The following DCDC1 variants were observed in gnomAD, a reference collection of about 807,000 sequenced individuals.
DCDC1 encodes the protein doublecortin domain containing 1.
Under a neutral mutation model 178.3 loss-of-function variants are expected in DCDC1, and 200 were observed. The observed-to-expected ratio is 1.12, with a 90% CI of 1.00 to 1.26. The LOEUF is 1.26. Ranked by LOEUF, DCDC1 falls within the 50% of genes most tolerant of loss-of-function variation. The pLI is 0.00. For synonymous variants in DCDC1, 690 were observed against 604.8 expected (o/e 1.14, Z -2.07); for missense variants, 1,983 against 1,749.2 (o/e 1.13, Z -2.38).
chr11:30,917,543 T>C (rs1945933214), intron 25 of DCDC1, among the ~76,000 whole-genome samples: 1 of 152,168 alleles, frequency 6.6e-6, no homozygotes, highest in African/African-American at 2.4e-5. Flanking sequence ...TGAGCCAGCT[T>C]TTGATAGAGA....
At chr11:31,090,438 G>A (rs1252026095) in intron 17 of DCDC1, among the ~76,000 whole-genome samples, 2 of 152,070 alleles carry the variant, frequency 1.3e-5, no homozygotes, top group Non-Finnish European at 2.9e-5. Context: ...TAACTTCTCT[G>A]TACCTCAATA....
intron 20 of DCDC1, among the ~76,000 whole-genome samples, chr11:31,006,194 C>CT (rs1295308830): frequency 6.6e-6 from 1 of 152,024 alleles, no homozygotes; most frequent in Non-Finnish European, 1.5e-5. Context: ...TCATTCAATT[C>CT]TTTTTGAAAC....
chr11:31,102,964 G>C (rs1173712510), intron 14 of DCDC1, among the ~76,000 whole-genome samples: 2 of 152,094 alleles, frequency 1.3e-5, no homozygotes, highest in Admixed American at 1.3e-4. Flanking sequence ...TTCTCTCTTT[G>C]TGCCTTGGTT....
At chr11:31,250,231 T>A (rs1239149730) in intron 8 of DCDC1, among the ~76,000 whole-genome samples, 2 of 151,222 alleles carry the variant, frequency 1.3e-5, no homozygotes, top group Non-Finnish European at 2.9e-5. Context: ...TTAGAATTCA[T>A]GATTGCTTGC....
intron 20 of DCDC1, among the ~76,000 whole-genome samples, chr11:31,057,306 A>G (rs754203326): frequency 6.6e-6 from 1 of 151,866 alleles, no homozygotes; most frequent in Non-Finnish European, 1.5e-5. Flanking sequence ...AGAAAGAAAG[A>G]AAGAGAGAGA....
chr11:30,944,150 C>T, intron 21 of DCDC1: 1 of 361,116 alleles, frequency 2.8e-6, no homozygotes, highest in African/African-American at 2.1e-5. Context: ...CAATGCATAG[C>T]CTTGATTTCT....
chr11:31,238,897 T>C (rs772185411), intron 9 of DCDC1, among the ~76,000 whole-genome samples: 2 of 152,234 alleles, frequency 1.3e-5, no homozygotes, highest in African/African-American at 2.4e-5. Flanking sequence ...CTTAAATCAG[T>C]TGCATGCTAT....
Position 30,917,045 on chromosome 11 carries a change from G to T in DCDC1, c.3294-17C>A, listed in dbSNP as rs1262250861. ...TGTGAATCTCTATCAAGGTTCAGAA[G>T]CAAACATAAGTCTAAGAAATCTCAT... On this transcript the variant is annotated splice_polypyrimidine_tract_variant and intron_variant, in intron 25 of 38. Coordinates refer to ENST00000684477, the MANE Select transcript of DCDC1 (RefSeq NM_001387274.1). 2 of 1,576,252 alleles carry T rather than the reference G, an allele frequency of 1.3e-6. No homozygotes were observed. Among genetic ancestry groups the T allele is most frequent in the Non-Finnish European group, 1.7e-6 (2 of 1,165,440 alleles).
At chr11:31,340,928 A>G (rs928680924) in intron 1 of DCDC1, among the ~76,000 whole-genome samples, 8 of 152,126 alleles carry the variant, frequency 5.3e-5, no homozygotes, top group African/African-American at 1.9e-4. Context: ...GGCGGAAGAG[A>G]AATTGGTGGA....
chr11:31,110,752 T>A (rs1369139521), intron 11 of DCDC1, among the ~76,000 whole-genome samples: 6 of 152,296 alleles, frequency 3.9e-5, no homozygotes, highest in Admixed American at 2.6e-4. Flanking sequence ...TAGCTCATTT[T>A]GTTCTTCATA....
At chr11:30,987,120 G>A (rs1243110477) in intron 20 of DCDC1, among the ~76,000 whole-genome samples, 8 of 152,050 alleles carry the variant, frequency 5.3e-5, no homozygotes, top group Non-Finnish European at 7.4e-5. Context: ...GGGTTCAGGC[G>A]ATTCTCCTGC....
chr11:30,943,660 A>AT (rs1393866321), intron 21 of DCDC1: 1 of 453,014 alleles, frequency 2.2e-6, no homozygotes, highest in African/African-American at 2.0e-5. Flanking sequence ...AGTTCCTCTA[A>AT]TTTTTTCCAG....
At chr11:31,343,860 C>A (rs1444424503) in intron 1 of DCDC1, among the ~76,000 whole-genome samples, 1 of 151,934 alleles carries the variant, frequency 6.6e-6, no homozygotes, top group East Asian at 1.9e-4. Context: ...GCGGAAATTG[C>A]AGTGAGCCGA....
intron 38 of DCDC1, among the ~76,000 whole-genome samples, chr11:30,873,769 T>G (rs958217078): frequency 6.6e-6 from 1 of 152,184 alleles, no homozygotes; most frequent in African/African-American, 2.4e-5. Context: ...TATAAAAATG[T>G]ATAAGAAAAC....
At chr11:31,194,670 A>C (rs1318354396) in intron 9 of DCDC1, among the ~76,000 whole-genome samples, 1 of 152,042 alleles carries the variant, frequency 6.6e-6, no homozygotes, top group Non-Finnish European at 1.5e-5. Context: ...AAGTTACTTA[A>C]TCTTTTCCTT....
intron 20 of DCDC1, among the ~76,000 whole-genome samples, chr11:30,977,143 G>A (rs1255272026): frequency 1.3e-5 from 2 of 151,690 alleles, no homozygotes; most frequent in Non-Finnish European, 2.9e-5. Flanking sequence ...TTTCATGAAG[G>A]TAGAGAGCAG....
intron 20 of DCDC1, among the ~76,000 whole-genome samples, chr11:31,009,438 TTG>T (rs139389381): frequency 0.09 from 13,000 of 144,266 alleles, 1,209 homozygotes; most frequent in African/African-American, 0.25. Flanking sequence ...CACAGTTTCT[TTG>T]TGTGTGTGTG....
chr11:31,106,983 G>A (rs1344453520), intron 12 of DCDC1, 23 bp from the exon 13 acceptor site: 4 of 743,022 alleles, frequency 5.4e-6, no homozygotes, highest in African/African-American at 5.2e-5. Flanking sequence ...TAGAGGGGCA[G>A]AGGGGATAGA....
chr11:31,015,280 A>T (rs974006423), intron 20 of DCDC1, among the ~76,000 whole-genome samples: 1 of 152,086 alleles, frequency 6.6e-6, no homozygotes, highest in African/African-American at 2.4e-5. Context: ...TATTAGCTAT[A>T]TTTAGGATTA....
Sources: gnomAD v4.1 joint callset for allele counts (sites outside exome capture counted in the v4.1 genomes callset) on GRCh38, gnomAD v4.1.1 for gene constraint, MANE v1.5 for transcripts, NCBI Gene and HGNC (gene_info 2026-07-23, HGNC 2026-07-21) for gene names.